The following PTPRD variants were observed in gnomAD, a reference collection of about 807,000 sequenced individuals.
The protein encoded by PTPRD is receptor-type tyrosine-protein phosphatase delta.
PTPRD carries 34 observed loss-of-function variants against 214.5 expected under a neutral mutation model. The observed-to-expected ratio is 0.16, with a 90% CI of 0.12 to 0.21. The LOEUF is 0.21. Ranked by LOEUF, PTPRD falls within the 10% of genes least tolerant of loss-of-function variation. The pLI is 1.00. For synonymous variants in PTPRD, 1,128 were observed against 845.7 expected (o/e 1.33, Z -5.79); for missense variants, 2,545 against 2,398.7 (o/e 1.06, Z -1.27).
In PTPRD at chr9:10,321,660, TTTTA is replaced by T. The variant is rs1244636233; in HGVS notation, c.-545+19299_-545+19302del. Among the ~76,000 whole-genome samples the T allele has an allele frequency of 3.9e-5, 6 of 152,138 alleles. No homozygotes were observed. In the South Asian group the frequency reaches 6.2e-4, roughly 16 times the overall value. The stretch of plus-strand genomic sequence containing the variant: ...TTAAGTATTAAAACAAAATCAACTC[TTTTA>T]TTTGTTTATTAAAAATTTAAAAGAA... On this transcript the variant is annotated intron_variant, in intron 3 of 45. Coordinates refer to ENST00000381196, the MANE Select transcript of PTPRD (RefSeq NM_002839.4).
intron 7 of PTPRD, among the ~76,000 whole-genome samples, chr9:9,729,892 C>A (rs1199333504): frequency 1.3e-5 from 2 of 152,056 alleles, no homozygotes; most frequent in Non-Finnish European, 2.9e-5. Context: ...GTAATAACAA[C>A]TTTAATAACT....
chr9:10,230,418 A>T (rs1021772003), intron 3 of PTPRD, among the ~76,000 whole-genome samples: 1 of 127,136 alleles, frequency 7.9e-6, no homozygotes, highest in Non-Finnish European at 1.7e-5. Context: ...GTATCTATCT[A>T]TGTATCTATG....
At chr9:8,891,358 T>A (rs949518755) in intron 11 of PTPRD, among the ~76,000 whole-genome samples, 49 of 151,860 alleles carry the variant, frequency 3.2e-4, no homozygotes, top group African/African-American at 1.0e-3. Flanking sequence ...GGTCTCAATC[T>A]CCTGACCTCG....
chr9:9,513,477 T>C (rs950144624), intron 8 of PTPRD, among the ~76,000 whole-genome samples: 5 of 151,904 alleles, frequency 3.3e-5, no homozygotes, highest in Admixed American at 6.6e-5. Context: ...CTATATATAA[T>C]GTAGTTTTTA....
At chr9:10,351,253 G>A (rs1285226803) in intron 2 of PTPRD, among the ~76,000 whole-genome samples, 6 of 151,566 alleles carry the variant, frequency 4.0e-5, no homozygotes, top group African/African-American at 1.5e-4. Flanking sequence ...AATTACTGTC[G>A]CCCTCCATTT....
At chr9:8,626,599 A>G (rs1175580553) in intron 14 of PTPRD, among the ~76,000 whole-genome samples, 2 of 151,816 alleles carry the variant, frequency 1.3e-5, no homozygotes, top group African/African-American at 4.8e-5. Context: ...TCACCAAGCA[A>G]AGCAGATTGC....
At position 8,315,473 on chromosome 9, in the gene PTPRD, A is replaced by G. The variant is rs979797117; in HGVS notation, c.*2401T>C. The G allele has an allele frequency of 8.6e-6, 2 of 231,856 alleles. No homozygotes were observed. Among genetic ancestry groups the G allele is most frequent in the East Asian group, 6.1e-5 (1 of 16,510 alleles). The allele number at this position is 231,856 out of a possible 1,614,324, so 14.4% of individuals were successfully genotyped here. A position where few individuals can be genotyped will look rare whatever the true frequency, so the allele number is the denominator to read the frequency against. The stretch of plus-strand genomic sequence containing the variant: ...CCCTTTGTTTAACTAAAAGAAAATT[A>G]TAGCACTGAGTAATCTGGCACTTGG... On this transcript the variant is annotated 3_prime_UTR_variant, in exon 46 of 46. Transcript: ENST00000381196.
At chr9:8,334,565 T>TG (rs1844771721) in intron 43 of PTPRD, among the ~76,000 whole-genome samples, 1 of 133,690 alleles carries the variant, frequency 7.5e-6, no homozygotes, top group Admixed American at 7.6e-5. Flanking sequence ...TTTATAGCAC[T>TG]AAATGCCCAC....
At chr9:8,587,025 C>T (rs2093712901) in intron 14 of PTPRD, among the ~76,000 whole-genome samples, 1 of 152,056 alleles carries the variant, frequency 6.6e-6, no homozygotes, top group Non-Finnish European at 1.5e-5. Context: ...TGGCGGGTGC[C>T]TGTAGTCCCA....
intron 9 of PTPRD, among the ~76,000 whole-genome samples, chr9:9,200,117 C>A (rs755659302): frequency 2.6e-5 from 4 of 152,196 alleles, no homozygotes; most frequent in African/African-American, 4.8e-5. Context: ...AAATAAGTTG[C>A]CTCTGCTCCT....
chr9:10,104,964 G>C (rs1477762012), intron 3 of PTPRD, among the ~76,000 whole-genome samples: 1 of 151,702 alleles, frequency 6.6e-6, no homozygotes, highest in Non-Finnish European at 1.5e-5. Context: ...GCACATGCTA[G>C]GCTTTCACAA....
chr9:9,623,335 A>G (rs2095311405), intron 7 of PTPRD, among the ~76,000 whole-genome samples: 1 of 152,192 alleles, frequency 6.6e-6, no homozygotes, highest in Admixed American at 6.5e-5. Context: ...CCTATCAATT[A>G]TCACTTTACT....
chr9:9,343,699 G>A (rs1234215209), intron 9 of PTPRD, among the ~76,000 whole-genome samples: 2 of 150,938 alleles, frequency 1.3e-5, no homozygotes, highest in Non-Finnish European at 3.0e-5. Flanking sequence ...TGTTTCATTC[G>A]AAAATCACAA....
chr9:9,832,754 A>T (rs983069389), intron 5 of PTPRD, among the ~76,000 whole-genome samples: 1 of 152,022 alleles, frequency 6.6e-6, no homozygotes, highest in Non-Finnish European at 1.5e-5. Flanking sequence ...CTAGAACTGC[A>T]GCAGCCATCC....
At chr9:10,551,540 C>T (rs2061360692) in intron 2 of PTPRD, among the ~76,000 whole-genome samples, 1 of 152,070 alleles carries the variant, frequency 6.6e-6, no homozygotes, top group African/African-American at 2.4e-5. Context: ...GGAATTGTGC[C>T]TTTGTAAAAC....
At chr9:10,557,367 G>T (rs1482244911) in intron 2 of PTPRD, among the ~76,000 whole-genome samples, 1 of 152,034 alleles carries the variant, frequency 6.6e-6, no homozygotes, top group Non-Finnish European at 1.5e-5. Context: ...TGTCTCCAAC[G>T]CAGCATTCTT....
In PTPRD at chr9:8,870,761, T is replaced by A. The variant is rs140245425; in HGVS notation, c.-103-136815A>T. Among the ~76,000 whole-genome samples, 47 of 147,338 alleles carry A rather than the reference T, an allele frequency of 3.2e-4. 1 individual carries two copies. The highest frequency in any genetic ancestry group is 1.0e-3 in the African/African-American group (41 of 39,604). On this transcript the variant is annotated intron_variant, in intron 11 of 45. Transcript: ENST00000381196. Reference sequence around the variant, plus strand: ...TCAGCACACCATGATGTGCTGGCTCTTTTGGCCTTAAGGAAGCATTGCAGG... The same window carrying A: ...TCAGCACACCATGATGTGCTGGCTCATTTGGCCTTAAGGAAGCATTGCAGG...
At chr9:8,717,402 A>T (rs1286985211) in intron 12 of PTPRD, among the ~76,000 whole-genome samples, 1 of 152,144 alleles carries the variant, frequency 6.6e-6, no homozygotes, top group East Asian at 1.9e-4. Flanking sequence ...CTCTTGAATA[A>T]GTTTTGTATA....
At chr9:8,355,811 C>T (rs116813301) in intron 39 of PTPRD, among the ~76,000 whole-genome samples, 1,739 of 152,232 alleles carry the variant, frequency 0.011, 28 homozygotes, top group African/African-American at 0.04. Context: ...GGGGTGGGAC[C>T]AAAGATTGTG....
Sources: allele counts gnomAD v4.1 joint callset (sites outside exome capture counted in the v4.1 genomes callset), GRCh38; gene constraint gnomAD v4.1.1; transcripts MANE v1.5; gene names NCBI Gene and HGNC (gene_info 2026-07-23, HGNC 2026-07-21).